Variants in RALYL observed in about 807,000 individuals in gnomAD.
The protein encoded by RALYL is RALY RNA binding protein like.
RALYL carries 29 observed loss-of-function variants against 35.1 expected under a neutral mutation model. That is an observed-to-expected ratio of 0.83 (90% CI 0.61 to 1.13). RALYL has a LOEUF of 1.13. RALYL is among the 50% of genes most tolerant of loss of function. The pLI is 0.00. For synonymous variants in RALYL, 120 were observed against 127.6 expected (o/e 0.94, Z 0.40); for missense variants, 359 against 360.4 (o/e 1.00, Z 0.03).
chr8:84,810,182 G>A (rs1410553707), intron 4 of RALYL, among the ~76,000 whole-genome samples: 1 of 152,042 alleles, frequency 6.6e-6, no homozygotes, highest in African/African-American at 2.4e-5. Flanking sequence ...GATAGGTTGT[G>A]TCATTATTGT....
intron 1 of RALYL, among the ~76,000 whole-genome samples, chr8:84,249,961 A>T (rs1829860273): frequency 6.6e-6 from 1 of 151,980 alleles, no homozygotes; most frequent in African/African-American, 2.4e-5. Context: ...TTTAGTAAGT[A>T]AAGTATTTTG....
chr8:84,317,902 C>A (rs1293149706), intron 1 of RALYL, among the ~76,000 whole-genome samples: 1 of 151,798 alleles, frequency 6.6e-6, no homozygotes, highest in Non-Finnish European at 1.5e-5. Context: ...TTTTTTCTTT[C>A]TCTTCTTATT....
intron 5 of RALYL, among the ~76,000 whole-genome samples, chr8:84,851,087 T>C (rs997590586): frequency 2.6e-5 from 4 of 152,240 alleles, no homozygotes; most frequent in African/African-American, 9.6e-5. Flanking sequence ...TTCGATTCTT[T>C]GCTGCATTTT....
At chr8:84,671,330 T>C (rs1245172232) in intron 2 of RALYL, among the ~76,000 whole-genome samples, 2 of 152,134 alleles carry the variant, frequency 1.3e-5, no homozygotes, top group African/African-American at 4.8e-5. Flanking sequence ...CAGTGTAAAC[T>C]GTTGGTGGAT....
In RALYL at chr8:84,475,569, T is replaced by G. The variant is rs141241648; in HGVS notation, c.-23-53730T>G. Among the ~76,000 whole-genome samples the G allele has an allele frequency of 9.1e-3, 1,389 of 152,320 alleles. 18 individuals carry two copies. Among genetic ancestry groups the G allele is most frequent in the African/African-American group, 0.032 (1,316 of 41,574 alleles). ...CAAGGGCTAGAAAGATAGAAATATGTGTTTAGACATACACCAAAGAAAAGG... is the reference window on the plus strand; with the variant it reads ...CAAGGGCTAGAAAGATAGAAATATGGGTTTAGACATACACCAAAGAAAAGG... On this transcript the variant is annotated intron_variant, in intron 1 of 8. Coordinates refer to ENST00000521268, the MANE Select transcript of RALYL (RefSeq NM_173848.7).
At chr8:84,654,712 T>C (rs1269223225) in intron 2 of RALYL, among the ~76,000 whole-genome samples, 2 of 152,166 alleles carry the variant, frequency 1.3e-5, no homozygotes, top group African/African-American at 4.8e-5. Context: ...CTTATGTCAC[T>C]TAATGTAATG....
intron 2 of RALYL, among the ~76,000 whole-genome samples, chr8:84,608,773 C>A (rs1281721252): frequency 6.6e-6 from 1 of 152,084 alleles, no homozygotes; most frequent in Non-Finnish European, 1.5e-5. Context: ...GTTGATGACC[C>A]TGATTTAGGA....
At chr8:84,819,960 A>G (rs765711592) in intron 4 of RALYL, among the ~76,000 whole-genome samples, 1 of 152,144 alleles carries the variant, frequency 6.6e-6, no homozygotes, top group Admixed American at 6.6e-5. Flanking sequence ...TGGTATCATC[A>G]TATATCATAG....
rs116379415 is a variant in RALYL at position 84,766,094 on chromosome 8, G to A, written c.257-8485G>A. Among the ~76,000 whole-genome samples, 440 of 152,138 alleles carry A rather than the reference G, an allele frequency of 2.9e-3. 5 individuals carry two copies. Among genetic ancestry groups the A allele is most frequent in the Non-Finnish European group, 1.8e-3 (124 of 67,998 alleles). On this transcript the variant is annotated intron_variant, in intron 2 of 8. Coordinates refer to ENST00000521268, the MANE Select transcript of RALYL (RefSeq NM_173848.7). ...AATTATATTTAATTTAAAAGACTAC[G>A]TTTAACTTTTAAAATGAGGGTACTC...
chr8:84,748,868 G>A (rs903384710), intron 2 of RALYL, among the ~76,000 whole-genome samples: 5 of 151,868 alleles, frequency 3.3e-5, no homozygotes, highest in Non-Finnish European at 5.9e-5. Context: ...TCAACGAGCC[G>A]GCATTTCCCC....
chr8:84,619,651 T>G (rs1311385161), intron 2 of RALYL, among the ~76,000 whole-genome samples: 5 of 150,926 alleles, frequency 3.3e-5, no homozygotes, highest in African/African-American at 4.9e-5. Context: ...GTTAGCTGGT[T>G]ATTTTGCTCG....
chr8:84,358,181 T>C (rs554514057), intron 1 of RALYL, among the ~76,000 whole-genome samples: 16 of 152,134 alleles, frequency 1.1e-4, no homozygotes, highest in African/African-American at 3.8e-4. Context: ...TATTCATTGT[T>C]TTTTTCATTT....
intron 2 of RALYL, among the ~76,000 whole-genome samples, chr8:84,663,153 G>T (rs773463886): frequency 6.6e-6 from 1 of 152,112 alleles, no homozygotes; most frequent in Admixed American, 6.6e-5. Context: ...TCCCTGCAAA[G>T]GACATGAGCT....
chr8:84,211,067 G>A (rs10113425), intron 1 of RALYL, among the ~76,000 whole-genome samples: 1 of 151,876 alleles, frequency 6.6e-6, no homozygotes, highest in East Asian at 1.9e-4. Context: ...TGCAGATATT[G>A]TGTGGTCACT....
chr8:84,652,208 T>G (rs1440668547), intron 2 of RALYL, among the ~76,000 whole-genome samples: 2 of 152,100 alleles, frequency 1.3e-5, no homozygotes, highest in African/African-American at 4.8e-5. Flanking sequence ...AAACTTTTGT[T>G]ATCAAACTTA....
At chr8:84,911,731 C>G (rs1297878374) in intron 8 of RALYL, among the ~76,000 whole-genome samples, 1 of 152,136 alleles carries the variant, frequency 6.6e-6, no homozygotes, top group East Asian at 1.9e-4. Flanking sequence ...GTGCTCTGCC[C>G]TACTGGCTAT....
At chr8:84,835,935 G>A (rs374617823) in intron 4 of RALYL, among the ~76,000 whole-genome samples, 1 of 152,044 alleles carries the variant, frequency 6.6e-6, no homozygotes, top group African/African-American at 2.4e-5. Context: ...TGAATGAATA[G>A]TGAAAGAATG....
chr8:84,240,925 A>G (rs1205507074), intron 1 of RALYL, among the ~76,000 whole-genome samples: 1 of 152,190 alleles, frequency 6.6e-6, no homozygotes, highest in Non-Finnish European at 1.5e-5. Context: ...GTCAGCAGAC[A>G]CCTACCTCAT....
chr8:84,221,410 C>T (rs780384002), intron 1 of RALYL, among the ~76,000 whole-genome samples: 6 of 151,944 alleles, frequency 3.9e-5, no homozygotes, highest in Non-Finnish European at 7.4e-5. Flanking sequence ...TGACAGGATA[C>T]ACTTTGATAC....
Sources: allele counts gnomAD v4.1 joint callset (sites outside exome capture counted in the v4.1 genomes callset), GRCh38; gene constraint gnomAD v4.1.1; transcripts MANE v1.5; gene names NCBI Gene and HGNC (gene_info 2026-07-23, HGNC 2026-07-21).